The following BLMH variants were observed in gnomAD, a reference collection of about 807,000 sequenced individuals.
BLMH encodes the protein BLM hydrolase.
A neutral mutation model predicts 61.6 loss-of-function variants in BLMH; 32 were observed. The observed-to-expected ratio is 0.52, with a 90% CI of 0.39 to 0.70. BLMH has a LOEUF of 0.70. Ranked by LOEUF, BLMH falls within the 30% of genes least tolerant of loss-of-function variation. The probability of loss-of-function intolerance (pLI) is 0.00; values close to 1 mark genes in which losing one functional copy is unlikely to be tolerated. For synonymous variants in BLMH, 183 were observed against 193.8 expected, an observed-to-expected ratio of 0.94 and a Z score of 0.46; for missense variants, 460 against 555.5, an observed-to-expected ratio of 0.83 and a Z score of 1.73.
In BLMH at chr17:30,248,758, A is replaced by C. The variant is rs1907592673; in HGVS notation, c.*259T>G. 2.4e-6 allele frequency: 1 copy of C among 423,266 alleles called. No homozygotes were observed. Among genetic ancestry groups the C allele is most frequent in the Non-Finnish European group, 4.2e-6 (1 of 237,328 alleles). The allele number at this position is 423,266 out of a possible 1,614,324, so 26.2% of individuals were successfully genotyped here. A position where few individuals can be genotyped will look rare whatever the true frequency, so the allele number is the denominator to read the frequency against. ...AGACAAACAATTACATCTAATTAAA[A>C]TGCTAAGAGATCCTGAGCTGTTAGA... On this transcript the variant is annotated 3_prime_UTR_variant, in exon 12 of 12. Coordinates refer to ENST00000261714, the MANE Select transcript of BLMH (RefSeq NM_000386.4).
chr17:30,289,291 C>T, intron 3 of BLMH, 82 bp downstream of exon 3: 2 of 814,740 alleles, frequency 2.5e-6, no homozygotes, highest in Non-Finnish European at 3.7e-6. Context: ...CAGGCTATAA[C>T]TGGAAAAGCT....
At chr17:30,253,805 T>G (rs543507889) in intron 11 of BLMH, among the ~76,000 whole-genome samples, 19 of 152,334 alleles carry the variant, frequency 1.2e-4, no homozygotes, top group African/African-American at 4.6e-4. Context: ...AACTTTAATG[T>G]CTTGTTTACA....
At chr17:30,272,668 C>T in intron 8 of BLMH, 40 bp from the exon 9 acceptor site, 1 of 1,614,018 alleles carries the variant, frequency 6.2e-7, no homozygotes, top group Non-Finnish European at 8.5e-7. Context: ...AACATAAACC[C>T]CATCTTCCTA....
At position 30,291,379 on chromosome 17, in the gene BLMH, C is replaced by G. The variant is rs1908882320; in HGVS notation, c.143G>C (p.Arg48Pro). The G allele has an allele frequency of 6.2e-7, 1 of 1,613,688 alleles. No homozygotes were observed. The highest frequency in any genetic ancestry group is 1.1e-5 in the South Asian group (1 of 91,068). ...DICLKRATVQ[R>P]AQHVFQHAVP... Reference sequence around the variant, plus strand: ...GGCGTGCTGGAACACATGCTGCGCGCGCTGCACCGTGGCCCGCTTCAGACA... The same window carrying G: ...GGCGTGCTGGAACACATGCTGCGCGGGCTGCACCGTGGCCCGCTTCAGACA... Residue 48 changes from arginine (R) to proline (P), a missense_variant, in exon 2 of 12, where the codon CGC becomes CCC. By Grantham distance (103) the Arg-to-Pro change is moderately radical. Transcript: ENST00000261714.
chr17:30,261,671 C>T (rs76140887), intron 11 of BLMH, among the ~76,000 whole-genome samples: 3,536 of 152,276 alleles, frequency 0.023, 118 homozygotes, highest in African/African-American at 0.081. Flanking sequence ...CCACAACTCA[C>T]CTGGTTCTAC....
chr17:30,269,090 A>C (rs1203647581), intron 10 of BLMH, among the ~76,000 whole-genome samples: 1 of 151,566 alleles, frequency 6.6e-6, no homozygotes, highest in Non-Finnish European at 1.5e-5. Flanking sequence ...AACTCTATAT[A>C]GTTTAAAAAT....
chr17:30,273,519 C>T (rs1434569573), intron 7 of BLMH: 1 of 158,850 alleles, frequency 6.3e-6, no homozygotes, highest in Non-Finnish European at 1.4e-5. Flanking sequence ...AATTGGAGAG[C>T]TAATCACAAG....
chr17:30,264,891 A>G (rs988961830), intron 11 of BLMH, among the ~76,000 whole-genome samples: 3 of 152,250 alleles, frequency 2.0e-5, no homozygotes, highest in African/African-American at 7.2e-5. Flanking sequence ...ACTTACAGAT[A>G]TAACTAAACT....
chr17:30,276,792 C>T lies in BLMH; in HGVS notation c.646-2595G>A, dbSNP rs549755093. 3.3e-5 allele frequency among the ~76,000 whole-genome samples: 5 copies of T among 152,308 alleles called. No individual in the cohort carries two copies. In the South Asian group the frequency reaches 1.0e-3, roughly 32 times the overall value. On this transcript the variant is annotated intron_variant, in intron 6 of 11. Coordinates refer to ENST00000261714, the MANE Select transcript of BLMH (RefSeq NM_000386.4). ...AAAACATACATATATACCCATGTAA[C>T]CATCATTCATATCAATATACATAAC... is the stretch of plus-strand genomic sequence containing the variant.
At chr17:30,266,557 A>C (rs1908116066) in intron 11 of BLMH, among the ~76,000 whole-genome samples, 1 of 151,926 alleles carries the variant, frequency 6.6e-6, no homozygotes, top group South Asian at 2.1e-4. Flanking sequence ...AAAGAAAAAG[A>C]AAATGCATCA....
At chr17:30,266,830 G>T in intron 11 of BLMH, 55 bp downstream of exon 11, 1 of 1,507,460 alleles carries the variant, frequency 6.6e-7, no homozygotes, top group African/African-American at 1.4e-5. Flanking sequence ...CACCCAGACA[G>T]GCAGAGTAGA....
rs115652688 is a variant in BLMH, at chr17:30,282,187, G to A, written c.645+3201C>T. 2.4e-3 allele frequency among the ~76,000 whole-genome samples: 355 copies of A among 150,288 alleles called. 2 individuals carry two copies. The highest frequency in any genetic ancestry group is 6.9e-3 in the Middle Eastern group (2 of 290). On this transcript the variant is annotated intron_variant, in intron 6 of 11. Transcript: ENST00000261714. ...CTGGCACTACAAGTGTTACCACCAT[G>A]CCTGGCTATGTTTTGCTTTTTAACA... is the stretch of plus-strand genomic sequence containing the variant.
intron 11 of BLMH, among the ~76,000 whole-genome samples, chr17:30,265,973 T>TA (rs1178464456): frequency 1.3e-5 from 2 of 152,280 alleles, no homozygotes; most frequent in East Asian, 1.9e-4. Flanking sequence ...AGAGACTTTT[T>TA]ATCTGTATTT....
chr17:30,268,395 T>C (rs1250034087), intron 10 of BLMH, among the ~76,000 whole-genome samples: 1 of 152,162 alleles, frequency 6.6e-6, no homozygotes, highest in Non-Finnish European at 1.5e-5. Flanking sequence ...ATATAACCAC[T>C]AGTATGCATT....
rs753121825 is a variant in BLMH, at chr17:30,271,349, G to A, written c.1068C>T (p.Asn356=). Residue 356 remains asparagine (N), a synonymous_variant, in exon 10 of 12, where the codon AAC becomes AAT. Transcript: ENST00000261714. ...HELVFGVSLK[N]MNKAERLTFG... ...AAGTCAGCCTCTCCGCTTTATTCAT[G>A]TTCTTCAAGGAGACACCAAACACTA... The A allele has an allele frequency of 2.5e-6, 4 of 1,613,968 alleles. No individual in the cohort carries two copies. The highest frequency in any genetic ancestry group is 2.7e-5 in the African/African-American group (2 of 74,910).
chr17:30,279,086 C>G (rs569376125), intron 6 of BLMH, among the ~76,000 whole-genome samples: 2 of 152,236 alleles, frequency 1.3e-5, no homozygotes, highest in Non-Finnish European at 2.9e-5. Flanking sequence ...AAGATATACA[C>G]GGCTCAATGA....
chr17:30,265,455 C>T (rs188196628), intron 11 of BLMH, among the ~76,000 whole-genome samples: 4 of 152,286 alleles, frequency 2.6e-5, no homozygotes, highest in Non-Finnish European at 4.4e-5. Flanking sequence ...GGAAATCCTA[C>T]GGCTGTGAGG....
chr17:30,254,369 T>C (rs1217061787), intron 11 of BLMH, among the ~76,000 whole-genome samples: 2 of 152,174 alleles, frequency 1.3e-5, no homozygotes, highest in African/African-American at 4.8e-5. Context: ...TAACTCAAGG[T>C]TGAAGAAAGG....
rs147027402 is a variant in BLMH, at chr17:30,288,160, C to T, written c.322-213G>A. 174 of 443,778 alleles carry T rather than the reference C, an allele frequency of 3.9e-4. 2 individuals are homozygous for T. In the East Asian group the frequency reaches 6.7e-3, roughly 17 times the overall value. 27.5% of individuals were successfully genotyped at this position (443,778 alleles called of 1,614,324 possible). On this transcript the variant is annotated intron_variant, in intron 3 of 11. Coordinates refer to ENST00000261714, the MANE Select transcript of BLMH (RefSeq NM_000386.4). ...TGTATCACCCCAGTTTGGGGACTTACGATGCTGAAACAAGCACCATAATAA... is the reference window on the plus strand; with the variant it reads ...TGTATCACCCCAGTTTGGGGACTTATGATGCTGAAACAAGCACCATAATAA...
Sources: allele counts gnomAD v4.1 joint callset (sites outside exome capture counted in the v4.1 genomes callset), GRCh38; gene constraint gnomAD v4.1.1; transcripts MANE v1.5; gene names NCBI Gene and HGNC (gene_info 2026-07-23, HGNC 2026-07-21).